The following LRCH1 variants were observed in gnomAD, a reference collection of about 807,000 sequenced individuals.
The protein encoded by LRCH1 is leucine rich repeats and calponin homology domain containing 1.
In LRCH1, 23 loss-of-function variants were observed where a neutral mutation model predicts 94.9. The observed-to-expected ratio is 0.24, with a 90% CI of 0.17 to 0.34. LRCH1 has a LOEUF of 0.34. Among genes scored for constraint, LRCH1 ranks in the 10% least tolerant of loss-of-function variants. The pLI is 1.00. For synonymous variants in LRCH1, 364 were observed against 354.9 expected (o/e 1.03, Z -0.29); for missense variants, 790 against 945.9 (o/e 0.84, Z 2.16).
intron 2 of LRCH1, among the ~76,000 whole-genome samples, chr13:46,664,921 T>G (rs1411825981): frequency 6.6e-6 from 1 of 152,238 alleles, no homozygotes; most frequent in African/African-American, 2.4e-5. Flanking sequence ...GGCCTTTCTC[T>G]CTTTATCTCT....
intron 7 of LRCH1, among the ~76,000 whole-genome samples, chr13:46,692,186 C>T (rs895207262): frequency 6.6e-6 from 1 of 152,160 alleles, no homozygotes. Flanking sequence ...AAGATTTCAG[C>T]TTAAAACAGA....
chr13:46,662,372 A>G lies in LRCH1; in HGVS notation c.453-6658A>G, dbSNP rs111758724. On this transcript the variant is annotated intron_variant, in intron 2 of 19. Transcript: ENST00000389797. Reference sequence around the variant, plus strand: ...CAGAGCTTAGGCCGCTACAAGTCTTAATACTTAAAAGCCCACATCTACATT... The same window carrying G: ...CAGAGCTTAGGCCGCTACAAGTCTTGATACTTAAAAGCCCACATCTACATT... 3.1e-3 allele frequency among the ~76,000 whole-genome samples: 476 copies of G among 152,320 alleles called. 4 individuals are homozygous for G. The highest frequency in any genetic ancestry group is 0.011 in the African/African-American group (449 of 41,568).
chr13:46,673,767 T>C (rs1182662895), intron 3 of LRCH1, among the ~76,000 whole-genome samples: 1 of 77,454 alleles, frequency 1.3e-5, no homozygotes, highest in Non-Finnish European at 2.9e-5. Flanking sequence ...TTTTTTTTTT[T>C]TTTTTGAGAC....
chr13:46,634,443 T>C (rs979027406), intron 1 of LRCH1, among the ~76,000 whole-genome samples: 1 of 152,174 alleles, frequency 6.6e-6, no homozygotes, highest in Non-Finnish European at 1.5e-5. Flanking sequence ...TGGCCATCAA[T>C]CCCATGTGCC....
chr13:46,711,910 C>T (rs2138199509), intron 14 of LRCH1, 66 bp downstream of exon 14: 3 of 1,189,256 alleles, frequency 2.5e-6, no homozygotes, highest in Non-Finnish European at 3.7e-6. Flanking sequence ...ATATCTTTTA[C>T]AGAAATATAT....
chr13:46,718,096 C>T (rs1872414766), intron 16 of LRCH1, among the ~76,000 whole-genome samples: 1 of 152,214 alleles, frequency 6.6e-6, no homozygotes, highest in Non-Finnish European at 1.5e-5. Context: ...TGTCCTCTTA[C>T]TGAATCTTTC....
exon 19 of LRCH1, chr13:46,750,882 A>G (rs1251894394): frequency 2.6e-6 from 1 of 385,938 alleles, no homozygotes; most frequent in African/African-American, 2.1e-5. Flanking sequence ...GCTGGAGGAA[A>G]AAAAAACTGA....
chr13:46,721,825 G>A (rs571426672), intron 16 of LRCH1, among the ~76,000 whole-genome samples: 2 of 152,274 alleles, frequency 1.3e-5, no homozygotes, highest in African/African-American at 2.4e-5. Context: ...TCAAGTCGAC[G>A]ATTTAAGATA....
At chr13:46,639,676 G>A (rs897501817) in intron 1 of LRCH1, among the ~76,000 whole-genome samples, 2 of 152,116 alleles carry the variant, frequency 1.3e-5, no homozygotes, top group Non-Finnish European at 2.9e-5. Flanking sequence ...TGGCCTGCTC[G>A]GCCAGGAAGA....
At chr13:46,688,938 A>G (rs2138155553) in intron 6 of LRCH1, among the ~76,000 whole-genome samples, 195 bp from the exon 7 acceptor site, 1 of 152,322 alleles carries the variant, frequency 6.6e-6, no homozygotes, top group South Asian at 2.1e-4. Context: ...CTGTGTTTAG[A>G]CTGTGCTACT....
At chr13:46,620,432 G>C (rs2138022318) in intron 1 of LRCH1, among the ~76,000 whole-genome samples, 1 of 151,926 alleles carries the variant, frequency 6.6e-6, no homozygotes, top group South Asian at 2.1e-4. Context: ...TATGTCCACT[G>C]TTCCATGGTA....
At chr13:46,750,416 G>A in intron 18 of LRCH1, 1 of 653,334 alleles carries the variant, frequency 1.5e-6, no homozygotes, top group Non-Finnish European at 2.7e-6. Flanking sequence ...GGAGCTTGGT[G>A]TAGGTGATCA....
chr13:46,729,744 T>C (rs1000317135), intron 18 of LRCH1, among the ~76,000 whole-genome samples: 2 of 152,146 alleles, frequency 1.3e-5, no homozygotes, highest in Non-Finnish European at 2.9e-5. Context: ...CTATTCATCA[T>C]GGAGGATTTT....
chr13:46,600,618 T>TACACACAC (rs3068695), intron 1 of LRCH1, among the ~76,000 whole-genome samples: 57,804 of 142,964 alleles, frequency 0.4, 12,182 homozygotes, highest in South Asian at 0.52. Context: ...TGACCAGATT[T>TACACACAC]ACACACACAC....
intron 6 of LRCH1, among the ~76,000 whole-genome samples, chr13:46,688,788 T>C (rs1285376605): frequency 2.0e-5 from 3 of 152,224 alleles, no homozygotes; most frequent in Non-Finnish European, 2.9e-5. Context: ...TTATGTGGTT[T>C]ATTAATTTTT....
intron 1 of LRCH1, among the ~76,000 whole-genome samples, chr13:46,590,486 G>A (rs1050422030): frequency 2.6e-5 from 4 of 152,028 alleles, no homozygotes; most frequent in Non-Finnish European, 5.9e-5. Context: ...GTTATCACAG[G>A]CCAATTTATT....
Position 46,666,562 on chromosome 13 carries a change from T to C in LRCH1, c.453-2468T>C, listed in dbSNP as rs141424297. Among the ~76,000 whole-genome samples, 539 of 152,322 alleles carry C rather than the reference T, an allele frequency of 3.5e-3. 8 individuals carry two copies. Among genetic ancestry groups the C allele is most frequent in the African/African-American group, 0.012 (515 of 41,572 alleles). On this transcript the variant is annotated intron_variant, in intron 2 of 19. Coordinates refer to ENST00000389797, the MANE Select transcript of LRCH1 (RefSeq NM_001164211.2). ...TTGTTAACTCTGCTAAAAATAGGAA[T>C]GTAGAACTTTCTTGAAAATACTAAT...
At position 46,731,840 on chromosome 13, in the gene LRCH1, C is replaced by T. The variant is rs894353834; in HGVS notation, c.2008-2081C>T. 2.6e-5 allele frequency among the ~76,000 whole-genome samples: 4 copies of T among 152,154 alleles called. No individual in the cohort carries two copies. In the East Asian group the frequency reaches 5.8e-4, roughly 22 times the overall value. On this transcript the variant is annotated intron_variant, in intron 18 of 19. Transcript: ENST00000389797. The stretch of plus-strand genomic sequence containing the variant: ...CCCCCAAATCTCCTTGGTTCTTCAG[C>T]GTCACTAGCTCCCTTTCCTTCTCTA...
rs539506271 is a variant in LRCH1 at position 46,750,728 on chromosome 13, C to T, written c.*78C>T. 170 of 940,352 alleles carry T rather than the reference C, an allele frequency of 1.8e-4. No homozygotes were observed. The African/African-American group carries it at 2.7e-3, about 15-fold the overall frequency. The allele number at this position is 940,352 out of a possible 1,614,324, so 58.3% of individuals were successfully genotyped here. ...AACTCTGCTCCAGGCACCTGTTCAA[C>T]CCTCTCTCCCACCCACTGCCTGTCA... On this transcript the variant is annotated 3_prime_UTR_variant, in exon 19 of 19. Coordinates refer to the LRCH1 transcript ENST00000311191.
Sources: gnomAD v4.1 joint callset for allele counts (sites outside exome capture counted in the v4.1 genomes callset) on GRCh38, gnomAD v4.1.1 for gene constraint, MANE v1.5 for transcripts, NCBI Gene and HGNC (gene_info 2026-07-23, HGNC 2026-07-21) for gene names.